The following BCL2L14 variants were observed in gnomAD, a reference collection of about 807,000 sequenced individuals.
BCL2L14 encodes the protein BCL2 like 14.
A neutral mutation model predicts 35.3 loss-of-function variants in BCL2L14; 27 were observed. The ratio of observed to expected loss-of-function variants is 0.76; its 90% CI spans 0.56 to 1.05. The LOEUF (loss-of-function observed/expected upper bound fraction) is 1.05. Among genes scored for constraint, BCL2L14 ranks in the 50% least tolerant of loss-of-function variants. The pLI, the probability that BCL2L14 is intolerant of heterozygous loss-of-function variation, is 0.00. For synonymous variants in BCL2L14, 139 were observed against 145.9 expected, an observed-to-expected ratio of 0.95 and a Z score of 0.34; for missense variants, 377 against 382.6, an observed-to-expected ratio of 0.99 and a Z score of 0.12.
rs564445775 is a variant in BCL2L14, at chr12:12,062,852, C to T, written c.-272+11005C>T. Among the ~76,000 whole-genome samples the T allele has an allele frequency of 3.3e-5, 5 of 152,262 alleles. No homozygotes were observed. The South Asian group carries it at 6.2e-4, about 19-fold the overall frequency. ...TTCAGGCTCTTAGTATTCAGTGAAACCTTTATATCCATTACAGTCCTCAGT... is the reference window on the plus strand; with the variant it reads ...TTCAGGCTCTTAGTATTCAGTGAAATCTTTATATCCATTACAGTCCTCAGT... On this transcript the variant is annotated intron_variant, in intron 2 of 3. Transcript: ENST00000461264.
chr12:12,090,832 G>C lies in BCL2L14; in HGVS notation c.661G>C (p.Asp221His). 1 of 1,613,076 alleles carries C rather than the reference G, an allele frequency of 6.2e-7. No individual in the cohort carries two copies. Among genetic ancestry groups the C allele is most frequent in the Non-Finnish European group, 8.5e-7 (1 of 1,179,434 alleles). Residue 221 changes from aspartate (D) to histidine (H), a missense_variant, in exon 4 of 6, where the codon GAT (aspartate) becomes CAT (histidine). Coordinates refer to ENST00000308721, the MANE Select transcript of BCL2L14 (RefSeq NM_138723.2). ...TGTTGAGCTGCTGAAATATTCAGGA[G>C]ATCAGTTGGAAAGAAAGGTATGGAA... is the stretch of plus-strand genomic sequence containing the variant. ...KIVELLKYSG[D>H]QLERKLKKDK...
Position 12,094,640 on chromosome 12 carries a change from G to A in BCL2L14, c.679-24G>A, listed in dbSNP as rs747048001. On this transcript the variant is annotated intron_variant, in intron 4 of 5. Transcript: ENST00000308721. ...CCTCGTGGAGCCAAGCTACTGTACT[G>A]AGTGCTTATTCTTTTGTACACAGCT... The A allele has an allele frequency of 1.6e-5, 26 of 1,614,152 alleles. No homozygotes were observed. In the Admixed American group the frequency reaches 2.7e-4, roughly 17 times the overall value.
In BCL2L14 at chr12:12,090,746, C is replaced by T. The variant is rs369796602; in HGVS notation, c.608-33C>T. ...AAATGTAAGATTATTTTTTGCTTCT[C>T]TTAAAAGAAATAACTGGAATTTTCC... On this transcript the variant is annotated intron_variant, in intron 3 of 5. Transcript: ENST00000308721. 5.7e-6 allele frequency: 9 copies of T among 1,581,610 alleles called. No homozygotes were observed. The African/African-American group carries it at 9.5e-5, about 17-fold the overall frequency.
At chr12:12,071,264 TATC>T (rs1340527181) in intron 1 of BCL2L14, 127 bp downstream of exon 1, 5 of 152,304 alleles carry the variant, frequency 3.3e-5, no homozygotes, top group African/African-American at 7.2e-5. Flanking sequence ...ACAAAGTTCT[TATC>T]ATGTAAGTCT....
At chr12:12,057,903 C>G (rs1022244833) in intron 2 of BCL2L14, among the ~76,000 whole-genome samples, 5 of 151,108 alleles carry the variant, frequency 3.3e-5, no homozygotes, top group South Asian at 2.1e-4. Flanking sequence ...CTCATGTGCT[C>G]GTGTGACCCT....
chr12:12,053,951 TTA>T (rs1948394827), intron 2 of BCL2L14, among the ~76,000 whole-genome samples: 1 of 152,162 alleles, frequency 6.6e-6, no homozygotes, highest in Non-Finnish European at 1.5e-5. Flanking sequence ...AGGTTTTAGC[TTA>T]TAGTTTCACC....
intron 4 of BCL2L14, among the ~76,000 whole-genome samples, chr12:12,093,587 G>A (rs1428960730): frequency 2.6e-5 from 4 of 152,138 alleles, no homozygotes; most frequent in Admixed American, 2.6e-4. Flanking sequence ...AAGGTTAGGA[G>A]TTCAAGACCA....
At chr12:12,053,420 CTTCTT>C (rs1948386665) in intron 2 of BCL2L14, among the ~76,000 whole-genome samples, 2 of 42,932 alleles carry the variant, frequency 4.7e-5, no homozygotes, top group South Asian at 1.9e-3. Context: ...ACTTCTTCTT[CTTCTT>C]TTTTTTTTTT....
chr12:12,057,034 T>C (rs1948443343), intron 2 of BCL2L14, among the ~76,000 whole-genome samples: 2 of 133,202 alleles, frequency 1.5e-5, no homozygotes, highest in Non-Finnish European at 3.5e-5. Flanking sequence ...ATGTGGCAAA[T>C]ATTTTATTTA....
chr12:12,058,451 G>C (rs879688242), intron 2 of BCL2L14, among the ~76,000 whole-genome samples: 3 of 150,934 alleles, frequency 2.0e-5, no homozygotes, highest in Non-Finnish European at 3.0e-5. Context: ...GGTTTCAGAC[G>C]GGGTTGGCCA....
chr12:12,087,520 G>A (rs1178124180), intron 3 of BCL2L14, 134 bp downstream of exon 3: 4 of 1,001,972 alleles, frequency 4.0e-6, no homozygotes, highest in East Asian at 5.1e-5. Context: ...CACAGGCTGT[G>A]GGCAATGAGC....
rs1214137821 is a variant in BCL2L14 at position 12,089,400 on chromosome 12, G to T, written c.608-1379G>T. 4.1e-5 allele frequency among the ~76,000 whole-genome samples: 6 copies of T among 146,776 alleles called. No individual in the cohort carries two copies. In the East Asian group the frequency reaches 1.2e-3, roughly 30 times the overall value. The stretch of plus-strand genomic sequence containing the variant: ...AAAAAAAAAAAAGTAGAAGAAGAAG[G>T]TTTATTTTGCCAAGCCTGGGCACGG... On this transcript the variant is annotated intron_variant, in intron 3 of 5. Coordinates refer to ENST00000308721, the MANE Select transcript of BCL2L14 (RefSeq NM_138723.2).
At chr12:12,066,804 G>A (rs377447273), upstream of BCL2L14, among the ~76,000 whole-genome samples, 50 of 150,312 alleles carry the variant, frequency 3.3e-4, no homozygotes, top group Middle Eastern at 7.0e-3. Flanking sequence ...TCCGCCTCCC[G>A]GGTTCACGCC....
rs184592688 is a variant in BCL2L14 at position 12,058,353 on chromosome 12, C to A, written c.-272+6506C>A. ...GCAACCTCCGCTTCCCGGGTTCAAGCGATTCTCCTGCCTCAGCCTCCCGAG... is the reference window on the plus strand; with the variant it reads ...GCAACCTCCGCTTCCCGGGTTCAAGAGATTCTCCTGCCTCAGCCTCCCGAG... On this transcript the variant is annotated intron_variant, in intron 2 of 3. Transcript: ENST00000461264. Among the ~76,000 whole-genome samples the A allele has an allele frequency of 6.6e-3, 997 of 151,718 alleles. 5 individuals carry two copies. The highest frequency in any genetic ancestry group is 0.014 in the Middle Eastern group (4 of 292).
chr12:12,060,167 C>G (rs934777619), intron 2 of BCL2L14, among the ~76,000 whole-genome samples: 4 of 151,488 alleles, frequency 2.6e-5, no homozygotes, highest in South Asian at 4.2e-4. Flanking sequence ...CTCCTCACAC[C>G]CGGTCCGGCT....
chr12:12,061,156 C>T (rs1182671112), intron 2 of BCL2L14, among the ~76,000 whole-genome samples: 2 of 143,754 alleles, frequency 1.4e-5, no homozygotes, highest in Non-Finnish European at 3.0e-5. Flanking sequence ...GACTGAGACA[C>T]TTTAACTAAA....
At chr12:12,058,522 A>G (rs895977970) in intron 2 of BCL2L14, among the ~76,000 whole-genome samples, 6 of 152,066 alleles carry the variant, frequency 3.9e-5, no homozygotes, top group Non-Finnish European at 7.4e-5. Flanking sequence ...GCCTTAACTG[A>G]TGACATTGTC....
At chr12:12,084,877 G>C (rs1393845266) in intron 2 of BCL2L14, among the ~76,000 whole-genome samples, 3 of 151,932 alleles carry the variant, frequency 2.0e-5, no homozygotes, top group African/African-American at 7.3e-5. Flanking sequence ...TTCAAGACCA[G>C]CCTGGCCAAC....
intron 5 of BCL2L14, among the ~76,000 whole-genome samples, chr12:12,096,465 G>A (rs948384428): frequency 1.0e-4 from 14 of 138,924 alleles, no homozygotes; most frequent in African/African-American, 3.2e-4. Flanking sequence ...ACAGAATGGG[G>A]AAAAATACTT....
Sources: allele counts gnomAD v4.1 joint callset (sites outside exome capture counted in the v4.1 genomes callset), GRCh38; gene constraint gnomAD v4.1.1; transcripts MANE v1.5; gene names NCBI Gene and HGNC (gene_info 2026-07-23, HGNC 2026-07-21).